The following IQSEC2 variants were observed in gnomAD, a reference collection of about 807,000 sequenced individuals.
The protein encoded by IQSEC2 is IQ motif and Sec7 domain ArfGEF 2, also known as IQ motif and SEC7 domain-containing protein 2.
In IQSEC2, 6 loss-of-function variants were observed where a neutral mutation model predicts 74.6. The ratio of observed to expected loss-of-function variants is 0.08; its 90% CI spans 0.04 to 0.16. The LOEUF is 0.16. Ranked by LOEUF, IQSEC2 falls within the 10% of genes least tolerant of loss-of-function variation. The pLI is 1.00. For synonymous variants in IQSEC2, 494 were observed against 544.5 expected, an observed-to-expected ratio of 0.91 and a Z score of 1.29; for missense variants, 734 against 1,306.2, an observed-to-expected ratio of 0.56 and a Z score of 6.75.
intron 2 of IQSEC2, among the ~76,000 whole-genome samples, chrX:53,275,160 C>CA (rs1602324346): frequency 2.7e-5 from 3 of 109,332 alleles, no homozygotes; most frequent in Non-Finnish European, 5.7e-5. Flanking sequence ...ACTTTTATGG[C>CA]TTTTTTTTTC....
At chrX:53,268,349 C>T (rs1417875606) in intron 2 of IQSEC2, among the ~76,000 whole-genome samples, 6 of 111,314 alleles carry the variant, frequency 5.4e-5, no homozygotes, top group Admixed American at 3.8e-4. Context: ...CACGCACACG[C>T]CTTTCTCAGA....
At chrX:53,306,231 G>A (rs2075261027) in intron 1 of IQSEC2, among the ~76,000 whole-genome samples, 1 of 111,963 alleles carries the variant, frequency 8.9e-6, no homozygotes, top group Non-Finnish European at 1.9e-5. Context: ...AAGAGGCTGG[G>A]CTGCCCTCCA....
intron 2 of IQSEC2, among the ~76,000 whole-genome samples, chrX:53,260,986 G>A (rs2074559750): frequency 9.0e-6 from 1 of 111,085 alleles, no homozygotes; most frequent in Non-Finnish European, 1.9e-5. Flanking sequence ...CCTCCCTTGA[G>A]AGCTCACCCC....
chrX:53,278,003 C>CTTTTTTTTTTTTTTTTTTTTTTTT (rs36027805), intron 2 of IQSEC2, among the ~76,000 whole-genome samples: 7 of 37,565 alleles, frequency 1.9e-4, no homozygotes, highest in Admixed American at 5.1e-4. Context: ...TTTTCTTTTT[C>CTTTTTTTTTTTTTTTTTTTTTTTT]TTTTTTTTTT....
At chrX:53,287,904 T>C (rs1260011227) in intron 2 of IQSEC2, among the ~76,000 whole-genome samples, 1 of 111,761 alleles carries the variant, frequency 8.9e-6, no homozygotes, top group African/African-American at 3.3e-5. Flanking sequence ...TCCTCCTCTC[T>C]CCCACTGTCA....
chrX:53,257,015 C>T (rs1556865438), intron 2 of IQSEC2, among the ~76,000 whole-genome samples: 1 of 111,592 alleles, frequency 9.0e-6, no homozygotes, highest in African/African-American at 3.3e-5. Flanking sequence ...CGAGCCTGCA[C>T]GGTGAAGAGC....
At chrX:53,247,429 G>A (rs1221859387) in intron 7 of IQSEC2, among the ~76,000 whole-genome samples, 2 of 112,093 alleles carry the variant, frequency 1.8e-5, no homozygotes, top group Admixed American at 9.5e-5. Context: ...TCAAAGTGGC[G>A]AGGTAACTTG....
At chrX:53,309,899 TAGGA>T (rs1340264317) in intron 1 of IQSEC2, among the ~76,000 whole-genome samples, 13 of 111,765 alleles carry the variant, frequency 1.2e-4, no homozygotes, top group African/African-American at 3.9e-4. Flanking sequence ...AGCCTCACAT[TAGGA>T]AGGAAGAAAT....
intron 1 of IQSEC2, among the ~76,000 whole-genome samples, chrX:53,297,281 T>C (rs1206922907): frequency 2.7e-5 from 3 of 111,732 alleles, no homozygotes; most frequent in African/African-American, 9.8e-5. Context: ...ATACTATGAT[T>C]ACATTTCCTT....
chrX:53,274,452 CTTTTTTTTTT>C (rs66510453), intron 2 of IQSEC2, among the ~76,000 whole-genome samples: 53 of 47,126 alleles, frequency 1.1e-3, no homozygotes, highest in African/African-American at 1.6e-3. Context: ...AGTTACATTT[CTTTTTTTTTT>C]TTTTTTTTTT....
rs1487042494 is a variant in IQSEC2, at chrX:53,250,595, G to A, written c.1981C>T (p.Pro661Ser). 2.5e-6 allele frequency: 3 copies of A among 1,207,864 alleles called. No individual in the cohort carries two copies. The East Asian group carries it at 8.9e-5, about 36-fold the overall frequency. ...CCACTGTTGGGGGCTGGTGGCAGGG[G>A]CCCTGGTGGGGCTGGGGCTGGGCCT... Reference protein sequence around the residue: ...PEGPAPAPPGPLPPAPNSGTG... With the variant: ...PEGPAPAPPGSLPPAPNSGTG... The change falls in exon 5 of 15, where the codon CCC (proline) becomes TCC (serine). Residue 661 changes from proline to serine, a missense_variant. Physicochemically the swap from Pro to Ser is moderately conservative, Grantham distance 74. This residue lies in a region of IQSEC2 where 204 missense variants were observed against 305.4 expected (regional missense o/e 0.67). Coordinates refer to ENST00000642864, the MANE Select transcript of IQSEC2 (RefSeq NM_001111125.3).
In IQSEC2 at chrX:53,277,974, ATTTTCTTT is replaced by A. The variant is rs1412901971; in HGVS notation, c.737+13913_737+13920del. 6.2e-5 allele frequency among the ~76,000 whole-genome samples: 4 copies of A among 64,022 alleles called. 1 individual carries two copies. Among genetic ancestry groups the A allele is most frequent in the Non-Finnish European group, 1.2e-4 (4 of 32,159 alleles). 55.6% of individuals were successfully genotyped at this position (64,022 alleles called of 115,157 possible). On this transcript the variant is annotated intron_variant, in intron 2 of 14. Coordinates refer to ENST00000642864, the MANE Select transcript of IQSEC2 (RefSeq NM_001111125.3). ...GCATGAGCCACTGTGTCCAACCAAT[ATTTTCTTT>A]TTTTCTTTTCTTTTCTTTTTCTTTT...
chrX:53,251,263 G>C, intron 4 of IQSEC2, 89 bp from the exon 5 acceptor site: 30 of 963,241 alleles, frequency 3.1e-5, no homozygotes, highest in Non-Finnish European at 4.3e-5. Context: ...ATGAGGGAGG[G>C]AGGTAAGGAA....
chrX:53,263,266 C>A (rs2074597612), intron 2 of IQSEC2, among the ~76,000 whole-genome samples: 1 of 111,796 alleles, frequency 8.9e-6, no homozygotes, highest in African/African-American at 3.3e-5. Context: ...ATGGATGTGG[C>A]TAGCCAAGGG....
At chrX:53,293,103 A>G (rs1480855655) in intron 1 of IQSEC2, among the ~76,000 whole-genome samples, 2 of 112,150 alleles carry the variant, frequency 1.8e-5, no homozygotes, top group African/African-American at 6.5e-5. Flanking sequence ...ACACAGGGAG[A>G]GGAGCAGGTG....
intron 1 of IQSEC2, among the ~76,000 whole-genome samples, chrX:53,304,428 C>T (rs1446351961): frequency 9.0e-6 from 1 of 111,687 alleles, no homozygotes; most frequent in Non-Finnish European, 1.9e-5. Context: ...GCTGGCTATC[C>T]TTTTGCTGGT....
chrX:53,269,602 T>G lies in IQSEC2; in HGVS notation c.738-13541A>C, dbSNP rs184870310. ...GCCCCCACATCCCCCTCTGTCCCTC[T>G]CTCCTCTTCACAGCTAAGCTTCTTC... On this transcript the variant is annotated intron_variant, in intron 2 of 14. Coordinates refer to ENST00000642864, the MANE Select transcript of IQSEC2 (RefSeq NM_001111125.3). 3.1e-4 allele frequency among the ~76,000 whole-genome samples: 34 copies of G among 109,704 alleles called. No individual in the cohort carries two copies. The Admixed American group carries it at 3.2e-3, about 10-fold the overall frequency.
intron 10 of IQSEC2, among the ~76,000 whole-genome samples, chrX:53,240,813 C>T (rs1436554005): frequency 3.9e-5 from 4 of 103,076 alleles, no homozygotes; most frequent in Non-Finnish European, 5.9e-5. Context: ...TTTCACTTGT[C>T]GCCCAGGCTG....
At chrX:53,291,623 C>G (rs2075100958) in intron 2 of IQSEC2, among the ~76,000 whole-genome samples, 1 of 111,213 alleles carries the variant, frequency 9.0e-6, no homozygotes, top group Non-Finnish European at 1.9e-5. Flanking sequence ...CATATCTGGG[C>G]AGCTCCTATG....
Sources: gnomAD v4.1 joint callset for allele counts (sites outside exome capture counted in the v4.1 genomes callset) on GRCh38, gnomAD v4.1.1 for gene constraint, gnomAD v4.1.1 regional missense constraint, MANE v1.5 for transcripts, NCBI Gene and HGNC (gene_info 2026-07-23, HGNC 2026-07-21) for gene names.